MTHFD1L: variants seen among roughly 807,000 people sequenced by gnomAD.
The protein encoded by MTHFD1L is methylenetetrahydrofolate dehydrogenase (NADP+ dependent) 1 like, also known as monofunctional C1-tetrahydrofolate synthase, mitochondrial.
A neutral mutation model predicts 119.5 loss-of-function variants in MTHFD1L; 81 were observed. That is an observed-to-expected ratio of 0.68 (90% CI 0.57 to 0.82). The LOEUF is 0.82. Ranked by LOEUF, MTHFD1L falls within the 40% of genes least tolerant of loss-of-function variation. The probability of loss-of-function intolerance (pLI) is 0.00; values close to 1 mark genes in which losing one functional copy is unlikely to be tolerated. For synonymous variants in MTHFD1L, 430 were observed against 475.2 expected, an observed-to-expected ratio of 0.90 and a Z score of 1.24; for missense variants, 1,125 against 1,253.4, an observed-to-expected ratio of 0.90 and a Z score of 1.55.
chr6:151,002,147 C>T (rs1010904923), intron 20 of MTHFD1L, among the ~76,000 whole-genome samples: 2 of 152,214 alleles, frequency 1.3e-5, no homozygotes, highest in African/African-American at 4.8e-5. Context: ...ACTGACCAAG[C>T]AGCTCAGCTA....
intron 24 of MTHFD1L, among the ~76,000 whole-genome samples, chr6:151,031,361 C>T (rs1303869365): frequency 6.6e-6 from 1 of 152,234 alleles, no homozygotes; most frequent in Non-Finnish European, 1.5e-5. Context: ...TCCATTCACA[C>T]ACCCCAAGAT....
At chr6:151,046,246 G>A (rs962572681) in intron 26 of MTHFD1L, among the ~76,000 whole-genome samples, 5 of 151,748 alleles carry the variant, frequency 3.3e-5, no homozygotes, top group African/African-American at 1.2e-4. Context: ...ATTAATCCCT[G>A]TGTATTAGTT....
chr6:150,959,820 C>A (rs944942439), intron 17 of MTHFD1L, among the ~76,000 whole-genome samples: 6 of 152,156 alleles, frequency 3.9e-5, no homozygotes, highest in African/African-American at 1.4e-4. Flanking sequence ...ATATTGTATG[C>A]CTACTGGGTC....
intron 9 of MTHFD1L, among the ~76,000 whole-genome samples, chr6:150,921,984 A>G (rs893324349): frequency 2.6e-5 from 4 of 152,266 alleles, no homozygotes; most frequent in African/African-American, 9.6e-5. Flanking sequence ...GCGATATTGA[A>G]TAGTTGTATA....
chr6:151,091,465 G>A (rs1282940861), intron 26 of MTHFD1L, among the ~76,000 whole-genome samples: 2 of 152,136 alleles, frequency 1.3e-5, no homozygotes, highest in Non-Finnish European at 2.9e-5. Flanking sequence ...CACACAGGGG[G>A]CTTCTGATGC....
chr6:151,009,140 AAAG>A lies in MTHFD1L; in HGVS notation c.2126-677_2126-675del, dbSNP rs1426279461. 2.6e-3 allele frequency among the ~76,000 whole-genome samples: 362 copies of A among 141,918 alleles called. 2 individuals carry two copies. The highest frequency in any genetic ancestry group is 8.9e-3 in the African/African-American group (338 of 38,018). 93.1% of individuals were successfully genotyped at this position (141,918 alleles called of 152,430 possible). Reference sequence around the variant, plus strand: ...TCCATCTCAAAAAAAAAAAAAAAAAAAAGAGTAAGAAAGGATCTTCCATTGTAA... The same window carrying A: ...TCCATCTCAAAAAAAAAAAAAAAAAAAGTAAGAAAGGATCTTCCATTGTAA... On this transcript the variant is annotated intron_variant, in intron 20 of 27. Coordinates refer to ENST00000367321, the MANE Select transcript of MTHFD1L (RefSeq NM_015440.5).
intron 7 of MTHFD1L, among the ~76,000 whole-genome samples, chr6:150,892,697 T>C (rs1325679228): frequency 6.6e-6 from 1 of 152,226 alleles, no homozygotes; most frequent in Admixed American, 6.5e-5. Context: ...GTGTCTTTCA[T>C]GTTAGCAGCT....
intron 26 of MTHFD1L, among the ~76,000 whole-genome samples, chr6:151,075,663 C>A (rs768894494): frequency 3.3e-5 from 5 of 152,212 alleles, no homozygotes; most frequent in Non-Finnish European, 5.9e-5. Flanking sequence ...ATTACGCATT[C>A]TTTTCAAACG....
chr6:150,879,645 T>C lies in MTHFD1L; in HGVS notation c.417+1819T>C, dbSNP rs529054751. Among the ~76,000 whole-genome samples the C allele has an allele frequency of 2.2e-3, 329 of 148,664 alleles. 1 individual carries two copies. The highest frequency in any genetic ancestry group is 7.7e-3 in the African/African-American group (308 of 39,830). Reference sequence around the variant, plus strand: ...TGGTGTTTTTTTTTTTTTTTTTTTTTCTGAGACGGAGTCTCACTCTGTCAC... The same window carrying C: ...TGGTGTTTTTTTTTTTTTTTTTTTTCCTGAGACGGAGTCTCACTCTGTCAC... On this transcript the variant is annotated intron_variant, in intron 4 of 27. Coordinates refer to ENST00000367321, the MANE Select transcript of MTHFD1L (RefSeq NM_015440.5).
intron 8 of MTHFD1L, among the ~76,000 whole-genome samples, chr6:150,906,982 T>C (rs1786025124): frequency 1.3e-5 from 2 of 151,534 alleles, no homozygotes; most frequent in Admixed American, 1.3e-4. Flanking sequence ...AAAATATGTG[T>C]AATTTATTCA....
At chr6:151,003,242 G>A (rs1780869286) in intron 20 of MTHFD1L, among the ~76,000 whole-genome samples, 1 of 152,126 alleles carries the variant, frequency 6.6e-6, no homozygotes, top group Non-Finnish European at 1.5e-5. Flanking sequence ...ATTAAAAACA[G>A]AAAAGTTGGC....
At chr6:151,015,838 A>G (rs1480586851) in intron 24 of MTHFD1L, 145 bp downstream of exon 24, 9 of 1,024,678 alleles carry the variant, frequency 8.8e-6, no homozygotes, top group East Asian at 5.6e-5. Flanking sequence ...TGTAATCCCA[A>G]CACTTTGGGA....
chr6:150,867,034 T>A (rs557644865), intron 1 of MTHFD1L, among the ~76,000 whole-genome samples: 1 of 152,308 alleles, frequency 6.6e-6, no homozygotes, highest in East Asian at 1.9e-4. Context: ...TTCTTAGTCA[T>A]TGCCTGCTTG....
chr6:151,054,586 C>T (rs997214746), intron 26 of MTHFD1L, among the ~76,000 whole-genome samples: 2 of 152,136 alleles, frequency 1.3e-5, no homozygotes, highest in Non-Finnish European at 2.9e-5. Flanking sequence ...AACAAAAACT[C>T]GGCCAGCAGC....
intron 26 of MTHFD1L, among the ~76,000 whole-genome samples, chr6:151,043,575 G>A (rs1358681548): frequency 6.6e-6 from 1 of 152,156 alleles, no homozygotes; most frequent in Non-Finnish European, 1.5e-5. Context: ...CAGTTGGCCT[G>A]GAGAGGTGTC....
At chr6:151,079,991 G>A (rs1241334178) in intron 26 of MTHFD1L, among the ~76,000 whole-genome samples, 8 of 150,994 alleles carry the variant, frequency 5.3e-5, no homozygotes, top group East Asian at 2.0e-4. Context: ...CCTGGCCAAC[G>A]TGGTGAAACC....
At chr6:150,968,668 C>A (rs1355131098) in intron 19 of MTHFD1L, among the ~76,000 whole-genome samples, 1 of 151,126 alleles carries the variant, frequency 6.6e-6, no homozygotes, top group Non-Finnish European at 1.5e-5. Flanking sequence ...TGCCACCACA[C>A]CCGGCTAATT....
chr6:150,918,479 A>G, intron 8 of MTHFD1L, 98 bp from the exon 9 acceptor site: 2 of 871,100 alleles, frequency 2.3e-6, no homozygotes, highest in Non-Finnish European at 3.8e-6. Flanking sequence ...TTGGTGAAAA[A>G]TGAGACCACT....
chr6:151,087,161 A>G (rs12215760), intron 26 of MTHFD1L, among the ~76,000 whole-genome samples: 37,771 of 151,872 alleles, frequency 0.25, 4,824 homozygotes, highest in South Asian at 0.33. Flanking sequence ...AGACAGGAGA[A>G]TTGCTTGAAC....
Sources: gnomAD v4.1 joint callset for allele counts (sites outside exome capture counted in the v4.1 genomes callset) on GRCh38, gnomAD v4.1.1 for gene constraint, MANE v1.5 for transcripts, NCBI Gene and HGNC (gene_info 2026-07-23, HGNC 2026-07-21) for gene names.